The following CAMK4 variants were observed in gnomAD, a reference collection of about 807,000 sequenced individuals.
The protein encoded by CAMK4 is calcium/calmodulin-dependent protein kinase type IV.
Under a neutral mutation model 44.9 loss-of-function variants are expected in CAMK4, and 22 were observed. That is an observed-to-expected ratio of 0.49 (90% confidence interval 0.35 to 0.70). The LOEUF (loss-of-function observed/expected upper bound fraction) is 0.70. CAMK4 is among the 30% of genes least tolerant of loss of function. The probability of loss-of-function intolerance (pLI) is 0.01; values close to 1 mark genes in which losing one functional copy is unlikely to be tolerated. For missense variants in CAMK4, 498 were observed against 586.8 expected (o/e 0.85, Z 1.56); for synonymous variants, 218 against 215.4 (o/e 1.01, Z -0.11).
rs181639855 is a variant in CAMK4 at position 111,394,057 on chromosome 5, G to A, written c.387-653G>A. On this transcript the variant is annotated intron_variant, in intron 4 of 10. Coordinates refer to ENST00000282356, the MANE Select transcript of CAMK4 (RefSeq NM_001744.6). ...AGAGAGAGAGAGGGAGAAAATACTC[G>A]TTAAAAAATAATAAGAGATACGCTA... Among the ~76,000 whole-genome samples the A allele has an allele frequency of 1.7e-3, 262 of 151,812 alleles. 2 individuals carry two copies. The highest frequency in any genetic ancestry group is 2.5e-3 in the Non-Finnish European group (170 of 67,954).
At chr5:111,321,544 A>G (rs1748664018) in intron 1 of CAMK4, among the ~76,000 whole-genome samples, 1 of 152,146 alleles carries the variant, frequency 6.6e-6, no homozygotes, top group Admixed American at 6.6e-5. Flanking sequence ...GCTGGGAGAT[A>G]TGAACTCTCT....
intron 7 of CAMK4, among the ~76,000 whole-genome samples, chr5:111,456,419 A>T (rs1266118828): frequency 1.3e-5 from 2 of 152,100 alleles, no homozygotes; most frequent in Non-Finnish European, 2.9e-5. Flanking sequence ...TGAACCCAGG[A>T]GGCGGGGCTT....
chr5:111,227,288 A>G (rs1748237202), intron 1 of CAMK4, among the ~76,000 whole-genome samples: 1 of 152,202 alleles, frequency 6.6e-6, no homozygotes, highest in Admixed American at 6.5e-5. Flanking sequence ...CCTACACTAG[A>G]GATCAAGTTG....
At chr5:111,308,602 C>G (rs1748048420) in intron 1 of CAMK4, among the ~76,000 whole-genome samples, 2 of 152,142 alleles carry the variant, frequency 1.3e-5, no homozygotes, top group South Asian at 2.1e-4. Flanking sequence ...CTAAGCATCT[C>G]TGGAATTGAA....
At chr5:111,291,036 A>G (rs1488165713) in intron 1 of CAMK4, among the ~76,000 whole-genome samples, 3 of 152,230 alleles carry the variant, frequency 2.0e-5, no homozygotes, top group Admixed American at 6.5e-5. Flanking sequence ...AAGATTGACA[A>G]TTATAAGTGA....
intron 1 of CAMK4, among the ~76,000 whole-genome samples, chr5:111,256,988 A>T (rs141010027): frequency 1.2e-4 from 19 of 152,338 alleles, no homozygotes; most frequent in Admixed American, 1.2e-3. Flanking sequence ...TACACCTTAT[A>T]CAAAAATTAA....
At chr5:111,358,339 G>A (rs1750452936) in intron 2 of CAMK4, among the ~76,000 whole-genome samples, 1 of 152,052 alleles carries the variant, frequency 6.6e-6, no homozygotes, top group African/African-American at 2.4e-5. Flanking sequence ...CTTAGTGGTA[G>A]GTGGGATGCA....
chr5:111,249,484 T>C, intron 1 of CAMK4, among the ~76,000 whole-genome samples: 1 of 150,976 alleles, frequency 6.6e-6, no homozygotes, highest in South Asian at 2.1e-4. Flanking sequence ...CATGTAAATC[T>C]AAATAATTAT....
At chr5:111,316,422 T>C (rs540237060) in intron 1 of CAMK4, among the ~76,000 whole-genome samples, 3 of 152,318 alleles carry the variant, frequency 2.0e-5, no homozygotes, top group Admixed American at 1.3e-4. Context: ...CTTTGAGTTG[T>C]AACCTTCTTT....
chr5:111,235,838 C>A (rs1434008172), intron 1 of CAMK4, among the ~76,000 whole-genome samples: 2 of 152,144 alleles, frequency 1.3e-5, no homozygotes, highest in East Asian at 3.9e-4. Context: ...GGGGAGTGAT[C>A]CTCGGGGAGC....
At position 111,282,145 on chromosome 5, in the gene CAMK4, G is replaced by C. The variant is rs377382704; in HGVS notation, c.161+57501G>C. 5.3e-5 allele frequency among the ~76,000 whole-genome samples: 8 copies of C among 152,146 alleles called. No homozygotes were observed. In the East Asian group the frequency reaches 1.5e-3, roughly 29 times the overall value. ...CTTCATTGCATTGTTTTTCCTCAAA[G>C]AGAAAGTCAAAAGACAAAGCAAATA... On this transcript the variant is annotated intron_variant, in intron 1 of 10. Coordinates refer to ENST00000282356, the MANE Select transcript of CAMK4 (RefSeq NM_001744.6).
At chr5:111,464,399 G>T (rs1348695408) in intron 7 of CAMK4, among the ~76,000 whole-genome samples, 1 of 152,126 alleles carries the variant, frequency 6.6e-6, no homozygotes, top group Admixed American at 6.6e-5. Flanking sequence ...ATCTAAAAAT[G>T]TGGAAAACAT....
intron 1 of CAMK4, among the ~76,000 whole-genome samples, chr5:111,271,216 G>A (rs920554656): frequency 1.3e-5 from 2 of 152,190 alleles, no homozygotes; most frequent in South Asian, 2.1e-4. Context: ...AGTGGAACAC[G>A]TATCTGGTAA....
chr5:111,398,595 G>A (rs906215624), intron 5 of CAMK4, among the ~76,000 whole-genome samples: 1 of 152,022 alleles, frequency 6.6e-6, no homozygotes, highest in Admixed American at 6.5e-5. Context: ...ATTTCATTTC[G>A]GCGGAAGCCC....
intron 5 of CAMK4, among the ~76,000 whole-genome samples, chr5:111,410,680 G>A (rs569803019): frequency 7.2e-5 from 11 of 152,248 alleles, no homozygotes; most frequent in African/African-American, 2.2e-4. Flanking sequence ...TACTATTTAT[G>A]ATGTCTTTGA....
intron 1 of CAMK4, among the ~76,000 whole-genome samples, chr5:111,234,615 A>C (rs988908872): frequency 6.6e-6 from 1 of 152,222 alleles, no homozygotes; most frequent in Non-Finnish European, 1.5e-5. Flanking sequence ...TGTGGACAGT[A>C]CTTGAAGAGT....
chr5:111,453,076 AG>A (rs1754292399), intron 7 of CAMK4, among the ~76,000 whole-genome samples: 1 of 152,246 alleles, frequency 6.6e-6, no homozygotes, highest in Admixed American at 6.5e-5. Flanking sequence ...TAGCAGACAA[AG>A]GTTCCATTTC....
chr5:111,341,129 G>C (rs1037431148), intron 1 of CAMK4, among the ~76,000 whole-genome samples: 5 of 150,954 alleles, frequency 3.3e-5, no homozygotes, highest in African/African-American at 1.2e-4. Context: ...ATTTATTCTA[G>C]ATACAAGTCC....
intron 2 of CAMK4, among the ~76,000 whole-genome samples, chr5:111,348,631 AAAC>A (rs1749966403): frequency 1.3e-5 from 2 of 152,134 alleles, no homozygotes; most frequent in East Asian, 3.9e-4. Flanking sequence ...TCAAATGGTT[AAAC>A]AACAACAAAA....
Sources: allele counts gnomAD v4.1 joint callset (sites outside exome capture counted in the v4.1 genomes callset), GRCh38; gene constraint gnomAD v4.1.1; transcripts MANE v1.5; gene names NCBI Gene and HGNC (gene_info 2026-07-23, HGNC 2026-07-21).